Variants in CAMKMT observed in about 807,000 individuals in gnomAD.
CAMKMT encodes the protein CaM KMT.
A neutral mutation model predicts 48.0 loss-of-function variants in CAMKMT; 53 were observed. The ratio of observed to expected loss-of-function variants is 1.10; its 90% CI spans 0.89 to 1.39. CAMKMT has a LOEUF of 1.39. Ranked by LOEUF, CAMKMT falls within the 40% of genes most tolerant of loss-of-function variation. The pLI is 0.00. For synonymous variants in CAMKMT, 165 were observed against 152.3 expected, an observed-to-expected ratio of 1.08 and a Z score of -0.61; for missense variants, 428 against 402.7, an observed-to-expected ratio of 1.06 and a Z score of -0.54.
intron 4 of CAMKMT, chr2:44,705,255 C>A: frequency 1.7e-6 from 1 of 574,442 alleles, no homozygotes; most frequent in Non-Finnish European, 2.2e-6. Context: ...GCTTCTTCTC[C>A]TCCCTTTCCC....
chr2:44,648,058 A>G (rs2104024714), intron 3 of CAMKMT, among the ~76,000 whole-genome samples: 1 of 152,288 alleles, frequency 6.6e-6, no homozygotes, highest in East Asian at 1.9e-4. Context: ...CATCTACACT[A>G]GGCAATTGTT....
Position 44,540,906 on chromosome 2 carries a change from A to G in CAMKMT, c.376+150601A>G, listed in dbSNP as rs557669896. On this transcript the variant is annotated intron_variant, in intron 3 of 10. Transcript: ENST00000378494. ...TTTATTCTTATGCATGATGTAAGAT[A>G]TGTGTCTAATTACATTTTTTCCAAA... 7.9e-5 allele frequency among the ~76,000 whole-genome samples: 12 copies of G among 152,372 alleles called. No individual in the cohort carries two copies. In the East Asian group the frequency reaches 2.3e-3, roughly 29 times the overall value.
chr2:44,520,111 C>A (rs1424037630), intron 3 of CAMKMT, among the ~76,000 whole-genome samples: 1 of 151,394 alleles, frequency 6.6e-6, no homozygotes, highest in African/African-American at 2.4e-5. Flanking sequence ...CCCAGCTATT[C>A]GGGAGGCTGA....
chr2:44,426,245 A>G (rs1684269993), intron 3 of CAMKMT, among the ~76,000 whole-genome samples: 1 of 152,248 alleles, frequency 6.6e-6, no homozygotes, highest in African/African-American at 2.4e-5. Flanking sequence ...GTAACTGGCA[A>G]AAGTTTCAAG....
chr2:44,597,957 G>C (rs775320793), intron 3 of CAMKMT, among the ~76,000 whole-genome samples: 1 of 152,006 alleles, frequency 6.6e-6, no homozygotes, highest in African/African-American at 2.4e-5. Context: ...GGCTGGTCTC[G>C]AACTCCTGAC....
intron 3 of CAMKMT, among the ~76,000 whole-genome samples, chr2:44,460,597 G>A (rs1401928643): frequency 6.6e-6 from 1 of 152,066 alleles, no homozygotes; most frequent in Non-Finnish European, 1.5e-5. Flanking sequence ...ATTTATTTCA[G>A]GCACTGCATT....
intron 3 of CAMKMT, among the ~76,000 whole-genome samples, chr2:44,460,322 G>C (rs544779997): frequency 4.6e-5 from 7 of 152,116 alleles, no homozygotes; most frequent in African/African-American, 1.7e-4. Flanking sequence ...AAGATTCTCT[G>C]TGTTATTTCT....
chr2:44,419,851 T>C (rs1365246601), intron 3 of CAMKMT, among the ~76,000 whole-genome samples: 1 of 152,196 alleles, frequency 6.6e-6, no homozygotes, highest in Non-Finnish European at 1.5e-5. Flanking sequence ...CTGGGCAATA[T>C]GGTGAGACCT....
chr2:44,507,822 T>C (rs1670338035), intron 3 of CAMKMT, among the ~76,000 whole-genome samples: 2 of 152,172 alleles, frequency 1.3e-5, no homozygotes, highest in South Asian at 2.1e-4. Context: ...AAGAAAGTCA[T>C]GCTGTGAAAA....
intron 3 of CAMKMT, among the ~76,000 whole-genome samples, chr2:44,693,596 CA>C (rs1269108977): frequency 2.0e-5 from 3 of 152,226 alleles, no homozygotes; most frequent in Non-Finnish European, 4.4e-5. Context: ...TGTTGATCCA[CA>C]GGACCCGAAA....
intron 3 of CAMKMT, among the ~76,000 whole-genome samples, chr2:44,615,280 C>T (rs541180542): frequency 3.9e-5 from 6 of 152,094 alleles, no homozygotes; most frequent in African/African-American, 1.2e-4. Context: ...AGGGGGTTTG[C>T]ATTTGGCTGG....
intron 9 of CAMKMT, among the ~76,000 whole-genome samples, chr2:44,760,822 T>C (rs1680587986): frequency 6.6e-6 from 1 of 152,144 alleles, no homozygotes; most frequent in Non-Finnish European, 1.5e-5. Flanking sequence ...AGAGGTCCAG[T>C]GTGGACCAAT....
intron 2 of CAMKMT, among the ~76,000 whole-genome samples, chr2:44,384,587 A>G (rs1024885187): frequency 6.7e-6 from 1 of 149,942 alleles, no homozygotes. Context: ...AGTTTTTCCA[A>G]TGTTATCTTC....
intron 3 of CAMKMT, among the ~76,000 whole-genome samples, chr2:44,402,088 A>G (rs1682422538): frequency 6.6e-6 from 1 of 152,140 alleles, no homozygotes; most frequent in Non-Finnish European, 1.5e-5. Context: ...GGACTTTGGG[A>G]GGCCAAGGCG....
At chr2:44,743,725 G>A (rs766084456) in intron 8 of CAMKMT, 29 bp downstream of exon 8, 2 of 1,570,318 alleles carry the variant, frequency 1.3e-6, no homozygotes, top group Non-Finnish European at 1.7e-6. Flanking sequence ...CAAAACTCCT[G>A]TTAGAAAAAA....
intron 3 of CAMKMT, among the ~76,000 whole-genome samples, chr2:44,605,072 C>T (rs988090697): frequency 1.7e-4 from 26 of 152,212 alleles, no homozygotes; most frequent in African/African-American, 5.5e-4. Context: ...GTCTGTCTTC[C>T]AAAAATTCAT....
chr2:44,667,497 A>T (rs961648241), intron 3 of CAMKMT, among the ~76,000 whole-genome samples: 20 of 151,798 alleles, frequency 1.3e-4, no homozygotes, highest in Non-Finnish European at 2.9e-5. Context: ...TGTTTAAGAC[A>T]CTCCCTCTTA....
chr2:44,753,527 C>G (rs949414085), intron 8 of CAMKMT, among the ~76,000 whole-genome samples: 1 of 146,980 alleles, frequency 6.8e-6, no homozygotes, highest in Non-Finnish European at 1.5e-5. Flanking sequence ...TGAGATTGTT[C>G]TTTGTTTTTG....
intron 3 of CAMKMT, among the ~76,000 whole-genome samples, chr2:44,409,114 T>TTGCTAC (rs1682999042): frequency 9.8e-4 from 4 of 4,062 alleles, no homozygotes; most frequent in Admixed American, 5.0e-3. Context: ...TATATATATA[T>TTGCTAC]ATATATATAT....
Sources: allele counts gnomAD v4.1 joint callset (sites outside exome capture counted in the v4.1 genomes callset), GRCh38; gene constraint gnomAD v4.1.1; transcripts MANE v1.5; gene names NCBI Gene and HGNC (gene_info 2026-07-23, HGNC 2026-07-21).